The following TBC1D9B variants were observed in gnomAD, a reference collection of about 807,000 sequenced individuals.
The protein encoded by TBC1D9B is TBC1 domain family member 9B, also known as TBC1 domain family, member 9B (with GRAM domain).
A neutral mutation model predicts 121.1 loss-of-function variants in TBC1D9B; 87 were observed. The ratio of observed to expected loss-of-function variants is 0.72; its 90% CI spans 0.60 to 0.86. TBC1D9B has a LOEUF of 0.86. Ranked by LOEUF, TBC1D9B falls within the 40% of genes least tolerant of loss-of-function variation. The probability of loss-of-function intolerance (pLI) is 0.00; values close to 1 mark genes in which losing one functional copy is unlikely to be tolerated. For synonymous variants in TBC1D9B, 668 were observed against 670.1 expected (o/e 1.00, Z 0.05); for missense variants, 1,540 against 1,628.6 (o/e 0.95, Z 0.94).
Position 179,863,642 on chromosome 5 carries a change from G to A in TBC1D9B, c.3508C>T (p.Arg1170Cys), listed in dbSNP as rs199919105. The change falls in exon 21 of 21, where the codon CGC (arginine) becomes TGC (cysteine). Residue 1170 changes from arginine to cysteine, a missense_variant. By Grantham distance (180) the Arg-to-Cys change is radical (BLOSUM62 -3). Transcript: ENST00000355235. The surrounding 1 kb of genome is among the most constrained non-coding windows in gnomAD (Gnocchi z 4.5). ...TCGGTGTCGACGGTGCCGCCGATGC[G>A]CGCTGTGGGGCTGCAGGCCTCCCCG... ...VGGEACSPTARIGGTVDTDWC... is the reference protein window; with the variant it reads ...VGGEACSPTACIGGTVDTDWC... 106 of 1,613,810 alleles carry A rather than the reference G, an allele frequency of 6.6e-5. No homozygotes were observed. The South Asian group carries it at 9.2e-4, about 14-fold the overall frequency.
Position 179,864,063 on chromosome 5 carries a change from G to A in TBC1D9B, c.3087C>T (p.Asp1029=), listed in dbSNP as rs553483988. The change falls in exon 21 of 21, where the codon GAC becomes GAT. Residue 1029 remains aspartate (D), a synonymous_variant. Transcript: ENST00000355235. ...CCACGGTGGCGATGGCGTGGTACAG[G>A]TCCTGCTCCATGGGGTCTTCACTGA... ...NMFSEDPMEQ[D]LYHAIATVAS... 1.9e-6 allele frequency: 3 copies of A among 1,613,686 alleles called. No homozygotes were observed. Among genetic ancestry groups the A allele is most frequent in the African/African-American group, 1.3e-5 (1 of 75,040 alleles).
In TBC1D9B at chr5:179,888,273, G is replaced by C; in HGVS notation, c.1084C>G (p.Pro362Ala). Reference protein sequence around the residue: ...VEKADSSSVLPSPLSISTKSK... With the variant: ...VEKADSSSVLASPLSISTKSK... ...TTGGTGCTGATGGACAGGGGGCTGG[G>C]CAGCACGCTGGAGCTGTCAGCTTTT... Residue 362 changes from proline (P) to alanine (A), a missense_variant, in exon 7 of 21, where the codon CCC becomes GCC. Transcript: ENST00000355235. 1 of 1,611,248 alleles carries C rather than the reference G, an allele frequency of 6.2e-7. No homozygotes were observed. Among genetic ancestry groups the C allele is most frequent in the Non-Finnish European group, 8.5e-7 (1 of 1,179,238 alleles).
At chr5:179,906,407 C>T (rs1761317711) in intron 1 of TBC1D9B, among the ~76,000 whole-genome samples, 1 of 152,206 alleles carries the variant, frequency 6.6e-6, no homozygotes, top group South Asian at 2.1e-4. Flanking sequence ...GACCGGGCTG[C>T]ACCTGCACCC....
At chr5:179,899,108 C>T (rs1219054024) in intron 3 of TBC1D9B, 81 bp downstream of exon 3, 28 of 1,192,996 alleles carry the variant, frequency 2.3e-5, no homozygotes, top group Non-Finnish European at 3.2e-5. Context: ...CACCCTACAT[C>T]GTGAAGATGA....
At chr5:179,883,392 T>C (rs1177010618) in intron 7 of TBC1D9B, among the ~76,000 whole-genome samples, 3 of 152,234 alleles carry the variant, frequency 2.0e-5, no homozygotes, top group Non-Finnish European at 4.4e-5. Flanking sequence ...CTTCTTTGCC[T>C]AACTTCTTTA....
chr5:179,879,656 G>C lies in TBC1D9B; in HGVS notation c.1388C>G (p.Ser463Trp). Residue 463 changes from serine to tryptophan, a missense_variant, in exon 8 of 21, where the codon TCG becomes TGG. By Grantham distance (177) the Ser-to-Trp change is radical. Coordinates refer to ENST00000355235, the MANE Select transcript of TBC1D9B (RefSeq NM_015043.4). ...CTTGGCTCCAAGGTCCTCCATGGGC[G>C]AGTTTTTCTGGAAGAGCTTCAGCAG... ...QGLLKLFQKN[S>W]PMEDLGAKGA... 1 of 1,614,110 alleles carries C rather than the reference G, an allele frequency of 6.2e-7. No homozygotes were observed. Among genetic ancestry groups the C allele is most frequent in the Non-Finnish European group, 8.5e-7 (1 of 1,179,992 alleles).
chr5:179,877,678 A>G (rs1401823967), intron 10 of TBC1D9B, among the ~76,000 whole-genome samples: 3 of 151,282 alleles, frequency 2.0e-5, no homozygotes, highest in Admixed American at 6.6e-5. Flanking sequence ...AAAAAAAAAA[A>G]AAAAAGAAAA....
intron 1 of TBC1D9B, among the ~76,000 whole-genome samples, chr5:179,905,584 T>C (rs1761289113): frequency 6.6e-6 from 1 of 152,240 alleles, no homozygotes. Context: ...ATGACACACA[T>C]TAAGCAGTCT....
intron 6 of TBC1D9B, 132 bp from the exon 7 acceptor site, chr5:179,888,444 A>C: frequency 1.1e-6 from 1 of 936,466 alleles, no homozygotes; most frequent in Non-Finnish European, 1.6e-6. Context: ...AACTGTCCTC[A>C]CATTCTGACT....
chr5:179,871,737 G>A (rs1368224631), intron 14 of TBC1D9B: 10 of 535,072 alleles, frequency 1.9e-5, no homozygotes, highest in Admixed American at 6.1e-5. Flanking sequence ...CTCACACTCC[G>A]GGCTCCTTTC....
chr5:179,899,970 C>G lies in TBC1D9B; in HGVS notation c.230-663G>C, dbSNP rs1003811094. Among the ~76,000 whole-genome samples the G allele has an allele frequency of 8.5e-5, 13 of 152,284 alleles. No homozygotes were observed. The South Asian group carries it at 1.9e-3, about 22-fold the overall frequency. On this transcript the variant is annotated intron_variant, in intron 2 of 20. Coordinates refer to ENST00000355235, the MANE Select transcript of TBC1D9B (RefSeq NM_015043.4). ...AAAATCTGGGCGCCGTGTCTCATGC[C>G]TGTAATCCCAGCACTTTGGGAGGCT...
chr5:179,873,276 G>A, intron 12 of TBC1D9B, 28 bp from the exon 13 acceptor site: 1 of 1,555,098 alleles, frequency 6.4e-7, no homozygotes, highest in Non-Finnish European at 8.7e-7. Context: ...CAACAGTCCA[G>A]ACCACGCCCA....
Position 179,904,228 on chromosome 5 carries a change from T to TTC in TBC1D9B, c.229+473_229+474insGA. Among the ~76,000 whole-genome samples the TTC allele has an allele frequency of 6.9e-6, 1 of 144,540 alleles. No individual in the cohort carries two copies. The highest frequency in any genetic ancestry group is 1.5e-5 in the Non-Finnish European group (1 of 66,200). The allele number at this position is 144,540 out of a possible 152,430, so 94.8% of individuals were successfully genotyped here. A position where few individuals can be genotyped will look rare whatever the true frequency, so the allele number is the denominator to read the frequency against. On this transcript the variant is annotated intron_variant, in intron 2 of 20. Coordinates refer to ENST00000355235, the MANE Select transcript of TBC1D9B (RefSeq NM_015043.4). This position sits in a 1 kb window ranked among gnomAD's most constrained non-coding sequence, Gnocchi z 4.2. ...ATGACCAGTGGAGCTGCCTTTTTTT[T>TTC]TTTTTTTTTTTTTTGAGACGGAATC...
rs1759918397 is a variant in TBC1D9B at position 179,863,743 on chromosome 5, G to A, written c.3407C>T (p.Ser1136Phe). 6.2e-7 allele frequency: 1 copy of A among 1,613,558 alleles called. No individual in the cohort carries two copies. Among genetic ancestry groups the A allele is most frequent in the African/African-American group, 1.3e-5 (1 of 74,924 alleles). ...GCTGACCACCGAGTAGGAGGACATG[G>A]ACATGTCGTCTTTGGTTTCATCGTC... Reference protein sequence around the residue: ...LSDDETKDDMSMSSYSVVSTG... With the variant: ...LSDDETKDDMFMSSYSVVSTG... The change falls in exon 21 of 21, where the codon TCC becomes TTC. Residue 1136 changes from serine to phenylalanine, a missense_variant. Coordinates refer to ENST00000355235, the MANE Select transcript of TBC1D9B (RefSeq NM_015043.4). This position sits in a 1 kb window ranked among gnomAD's most constrained non-coding sequence, Gnocchi z 4.5.
At position 179,874,271 on chromosome 5, in the gene TBC1D9B, G is replaced by A. The variant is rs1760294242; in HGVS notation, c.2186+631C>T. 6.6e-6 allele frequency among the ~76,000 whole-genome samples: 1 copy of A among 152,086 alleles called. No individual in the cohort carries two copies. Among genetic ancestry groups the A allele is most frequent in the Admixed American group, 6.5e-5 (1 of 15,286 alleles). ...GTCTGATCAGAGTCATGGGATGCAG[G>A]CAGGTCAAAGACTGAGAGGGGAACC... On this transcript the variant is annotated intron_variant, in intron 12 of 20. Transcript: ENST00000355235. The surrounding 1 kb of genome is among the most constrained non-coding windows in gnomAD (Gnocchi z 4.3).
At chr5:179,879,378 A>G in intron 8 of TBC1D9B, 181 bp from the exon 9 acceptor site, 1 of 1,097,964 alleles carries the variant, frequency 9.1e-7, no homozygotes, top group Non-Finnish European at 1.3e-6. Context: ...TCAGGAGACC[A>G]GCTCCTCAGC....
Position 179,891,680 on chromosome 5 carries a change from C to T in TBC1D9B, c.837-94G>A. The T allele has an allele frequency of 7.1e-7, 1 of 1,404,022 alleles. No individual in the cohort carries two copies. The highest frequency in any genetic ancestry group is 9.8e-7 in the Non-Finnish European group (1 of 1,020,566). The allele number at this position is 1,404,022 out of a possible 1,614,324, so 87.0% of individuals were successfully genotyped here. On this transcript the variant is annotated intron_variant, in intron 5 of 20. Coordinates refer to ENST00000355235, the MANE Select transcript of TBC1D9B (RefSeq NM_015043.4). The surrounding 1 kb of genome is among the most constrained non-coding windows in gnomAD (Gnocchi z 4.3). ...CCTTGGGGCCTCCCCAGGCCTGTTTCCACATCAGATTCAGGATCCCTGGGG... is the reference window on the plus strand; with the variant it reads ...CCTTGGGGCCTCCCCAGGCCTGTTTTCACATCAGATTCAGGATCCCTGGGG...
Position 179,887,873 on chromosome 5 carries a change from C to T in TBC1D9B, c.1254+230G>A, listed in dbSNP as rs1380432855. ...GAGAAGGTTCCTCATGGGCAATGGGCCCAGCAGGAGTGAGGAGTACCGGGT... is the reference window on the plus strand; with the variant it reads ...GAGAAGGTTCCTCATGGGCAATGGGTCCAGCAGGAGTGAGGAGTACCGGGT... On this transcript the variant is annotated intron_variant, in intron 7 of 20. Transcript: ENST00000355235. 5 of 594,600 alleles carry T rather than the reference C, an allele frequency of 8.4e-6. No homozygotes were observed. In the East Asian group the frequency reaches 1.2e-4, roughly 14 times the overall value. 36.8% of individuals were successfully genotyped at this position (594,600 alleles called of 1,614,324 possible).
At chr5:179,867,704 C>T in intron 18 of TBC1D9B, 74 bp downstream of exon 18, 1 of 1,597,740 alleles carries the variant, frequency 6.3e-7, no homozygotes, top group East Asian at 2.2e-5. Flanking sequence ...TGGCCACTGC[C>T]CGAGCCCCAC....
Sources: gnomAD v4.1 joint callset for allele counts (sites outside exome capture counted in the v4.1 genomes callset) on GRCh38, gnomAD v4.1.1 for gene constraint, Gnocchi (gnomAD v3.1) non-coding constraint, MANE v1.5 for transcripts, NCBI Gene and HGNC (gene_info 2026-07-23, HGNC 2026-07-21) for gene names.